Variants in RANGAP1 observed in about 807,000 individuals in gnomAD.
RANGAP1 encodes the protein Ran GTPase activating protein 1.
RANGAP1 carries 38 observed loss-of-function variants against 63.5 expected under a neutral mutation model. The ratio of observed to expected loss-of-function variants is 0.60; its 90% CI spans 0.46 to 0.78. The LOEUF is 0.78. Among genes scored for constraint, RANGAP1 ranks in the 30% least tolerant of loss-of-function variants. RANGAP1 has a pLI of 0.00. For missense variants in RANGAP1, 630 were observed against 740.3 expected, an observed-to-expected ratio of 0.85 and a Z score of 1.73; for synonymous variants, 329 against 310.5, an observed-to-expected ratio of 1.06 and a Z score of -0.63.
intron 15 of RANGAP1, 27 bp from the exon 16 acceptor site, chr22:41,246,699 C>G (rs747835454): frequency 6.6e-7 from 1 of 1,523,162 alleles, no homozygotes; most frequent in South Asian, 1.2e-5. Context: ...GTCAGCAGGT[C>G]GGTGGATGCC....
the RANGAP1 span, among the ~76,000 whole-genome samples, chr22:41,300,716 C>T: frequency 6.6e-6 from 1 of 151,564 alleles, no homozygotes; most frequent in African/African-American, 2.4e-5. Context: ...GGTGATCCAC[C>T]CGTCTTGGCC....
chr22:41,273,122 T>C (rs887138256), intron 3 of RANGAP1, among the ~76,000 whole-genome samples: 4 of 152,144 alleles, frequency 2.6e-5, no homozygotes, highest in African/African-American at 7.2e-5. Context: ...TGAGCCCCTC[T>C]GAGCCTCAGT....
At chr22:41,261,692 T>A in intron 5 of RANGAP1, 112 bp from the exon 6 acceptor site, 4 of 1,344,348 alleles carry the variant, frequency 3.0e-6, no homozygotes, top group Non-Finnish European at 3.1e-6. Context: ...TCGGTGCAGG[T>A]CAGGGGACGC....
intron 10 of RANGAP1, 99 bp from the exon 11 acceptor site, chr22:41,254,593 G>C (rs1197939913): frequency 2.0e-6 from 3 of 1,487,992 alleles, no homozygotes; most frequent in Non-Finnish European, 2.7e-6. Flanking sequence ...CCTCAGCCAG[G>C]AGGGAGAGAG....
intron 3 of RANGAP1, among the ~76,000 whole-genome samples, chr22:41,271,707 A>C (rs1055678052): frequency 6.6e-6 from 1 of 151,750 alleles, no homozygotes; most frequent in Non-Finnish European, 1.5e-5. Context: ...AAAAAAAAAA[A>C]AGAGCTTGGG....
Position 41,261,619 on chromosome 22 carries a change from G to A in RANGAP1, c.481-39C>T, listed in dbSNP as rs748154911. ...CAAGGGGCCCTGGTCATGGGCAGGAGCCCCTTCTCCCAGCGGGGTGGCCAC... is the reference window on the plus strand; with the variant it reads ...CAAGGGGCCCTGGTCATGGGCAGGAACCCCTTCTCCCAGCGGGGTGGCCAC... On this transcript the variant is annotated intron_variant, in intron 5 of 15. Transcript: ENST00000356244. The A allele has an allele frequency of 4.3e-6, 7 of 1,613,430 alleles. No homozygotes were observed. The African/African-American group carries it at 6.7e-5, about 15-fold the overall frequency.
intron 10 of RANGAP1, among the ~76,000 whole-genome samples, chr22:41,254,880 G>A (rs1201289735): frequency 1.3e-5 from 2 of 151,738 alleles, no homozygotes; most frequent in Non-Finnish European, 2.9e-5. Context: ...GCTGAGGCAG[G>A]AGAATGGCGT....
At chr22:41,302,061 G>A in the RANGAP1 span, among the ~76,000 whole-genome samples, 1 of 152,130 alleles carries the variant, frequency 6.6e-6, no homozygotes, top group African/African-American at 2.4e-5. The surrounding 1 kb of genome is among the most constrained non-coding windows in gnomAD (Gnocchi z 5.7). Flanking sequence ...TGGCGCTGGG[G>A]AGACTTGGCC....
chr22:41,263,619 A>G (rs2145753544), intron 5 of RANGAP1, among the ~76,000 whole-genome samples: 1 of 152,360 alleles, frequency 6.6e-6, no homozygotes. Context: ...GCCTGACCTC[A>G]GGTGATCTGC....
intron 2 of RANGAP1, among the ~76,000 whole-genome samples, chr22:41,275,115 A>C (rs927675387): frequency 6.6e-6 from 1 of 152,108 alleles, no homozygotes; most frequent in Non-Finnish European, 1.5e-5. Flanking sequence ...TTTCATTGTT[A>C]AGTGATTCAT....
chr22:41,249,297 C>G, intron 15 of RANGAP1, 33 bp downstream of exon 15: 3 of 1,560,560 alleles, frequency 1.9e-6, no homozygotes, highest in Non-Finnish European at 2.6e-6. Flanking sequence ...CCCGAGAGGG[C>G]AGGCACCGGC....
chr22:41,264,251 A>G (rs1016922058), intron 5 of RANGAP1, among the ~76,000 whole-genome samples: 1 of 151,216 alleles, frequency 6.6e-6, no homozygotes, highest in African/African-American at 2.4e-5. Flanking sequence ...CTCCCTGGGC[A>G]AGGCCCTGTC....
Position 41,256,661 on chromosome 22 carries a change from C to A in RANGAP1, c.888+50G>T, listed in dbSNP as rs573682658. The A allele has an allele frequency of 1.1e-4, 173 of 1,551,360 alleles. No individual in the cohort carries two copies. In the South Asian group the frequency reaches 1.8e-3, roughly 16 times the overall value. On this transcript the variant is annotated intron_variant, in intron 8 of 15. Coordinates refer to ENST00000356244, the MANE Select transcript of RANGAP1 (RefSeq NM_002883.4). The stretch of plus-strand genomic sequence containing the variant: ...CCAGACCCCTGTGCCCCCAGCCGCC[C>A]CACCACCCACAGACCCCAGAGGGAG...
At chr22:41,270,127 G>T (rs980699268) in intron 3 of RANGAP1, among the ~76,000 whole-genome samples, 1 of 150,046 alleles carries the variant, frequency 6.7e-6, no homozygotes, top group Non-Finnish European at 1.5e-5. Context: ...GAGCCACCGT[G>T]CCCGGCCTAT....
chr22:41,280,903 C>T, intron 2 of RANGAP1, 30 bp downstream of exon 2: 1 of 1,613,292 alleles, frequency 6.2e-7, no homozygotes, highest in Non-Finnish European at 8.5e-7. Flanking sequence ...CTCCCCTGGA[C>T]ACACCAGTGC....
chr22:41,279,429 C>G (rs1388345621), intron 2 of RANGAP1, among the ~76,000 whole-genome samples: 1 of 151,810 alleles, frequency 6.6e-6, no homozygotes, highest in Non-Finnish European at 1.5e-5. Context: ...GAGATTGCAC[C>G]ACTGCACTCC....
At position 41,281,008 on chromosome 22, in the gene RANGAP1, G is replaced by C. The variant is rs1358156305; in HGVS notation, c.37C>G (p.Leu13Val). ...SEDIAKLAET[L>V]AKTQVAGGQL... ...CCCCCGGCCACCTGAGTCTTGGCAA[G>C]TGTCTCTGCCAGCTTGGCAATGTCT... The change falls in exon 2 of 16, where the codon CTT (leucine) becomes GTT (valine). Residue 13 changes from leucine to valine, a missense_variant. By Grantham distance (32) the Leu-to-Val change is conservative. This residue lies in a region of RANGAP1 where 65 missense variants were observed against 60.5 expected (regional missense o/e 1.07). Coordinates refer to ENST00000356244, the MANE Select transcript of RANGAP1 (RefSeq NM_002883.4). 2 of 1,612,210 alleles carry C rather than the reference G, an allele frequency of 1.2e-6. No individual in the cohort carries two copies. Among genetic ancestry groups the C allele is most frequent in the East Asian group, 2.2e-5 (1 of 44,882 alleles).
upstream of RANGAP1, among the ~76,000 whole-genome samples, chr22:41,286,500 A>G (rs188607036): frequency 1.3e-5 from 2 of 152,298 alleles, no homozygotes; most frequent in African/African-American, 2.4e-5. Context: ...AATGCGTTGC[A>G]CCCAGGTCCC....
intron 2 of RANGAP1, 146 bp from the exon 3 acceptor site, chr22:41,274,873 C>T: frequency 9.6e-7 from 1 of 1,039,540 alleles, no homozygotes; most frequent in Non-Finnish European, 1.4e-6. Context: ...ATCAGACAGG[C>T]TCATGGTCCA....
Sources: allele counts gnomAD v4.1 joint callset (sites outside exome capture counted in the v4.1 genomes callset), GRCh38; gene constraint gnomAD v4.1.1; regional missense constraint gnomAD v4.1.1; non-coding constraint Gnocchi (gnomAD v3.1); transcripts MANE v1.5; gene names NCBI Gene and HGNC (gene_info 2026-07-23, HGNC 2026-07-21).